VDAC1: variants seen among roughly 807,000 people sequenced by gnomAD.
VDAC1 encodes the protein non-selective voltage-gated ion channel VDAC1.
VDAC1 carries 10 observed loss-of-function variants against 34.7 expected under a neutral mutation model. The observed-to-expected ratio is 0.29, with a 90% CI of 0.18 to 0.49. The LOEUF (loss-of-function observed/expected upper bound fraction) is 0.49, where lower values mean the gene tolerates loss of function less well. Among genes scored for constraint, VDAC1 ranks in the 20% least tolerant of loss-of-function variants. The pLI is 0.99. For missense variants in VDAC1, 230 were observed against 347.9 expected, an observed-to-expected ratio of 0.66 and a Z score of 2.69; for synonymous variants, 130 against 136.0, an observed-to-expected ratio of 0.96 and a Z score of 0.30.
At chr5:134,073,656 G>A in the VDAC1 span, among the ~76,000 whole-genome samples, 27 of 152,296 alleles carry the variant, frequency 1.8e-4, no homozygotes, top group Non-Finnish European at 3.5e-4. Context: ...ATCAGAGAGA[G>A]GATGGCAAAT....
At chr5:134,022,930 T>C in the VDAC1 span, among the ~76,000 whole-genome samples, 1 of 152,154 alleles carries the variant, frequency 6.6e-6, no homozygotes, top group Non-Finnish European at 1.5e-5. Flanking sequence ...TCCTCAAGGA[T>C]CTAGAACCAG....
At chr5:133,999,776 G>GTT (rs1753469655) in intron 1 of VDAC1, among the ~76,000 whole-genome samples, 1 of 152,144 alleles carries the variant, frequency 6.6e-6, no homozygotes, top group East Asian at 1.9e-4. Flanking sequence ...ATTACCAAGT[G>GTT]TAAGTGTGCA....
At chr5:134,052,730 C>A in the VDAC1 span, among the ~76,000 whole-genome samples, 2 of 152,214 alleles carry the variant, frequency 1.3e-5, no homozygotes, top group African/African-American at 2.4e-5. Flanking sequence ...ATGGGCCAGG[C>A]GCTGTGCTAG....
At chr5:134,012,703 C>G in the VDAC1 span, among the ~76,000 whole-genome samples, 1 of 151,928 alleles carries the variant, frequency 6.6e-6, no homozygotes, top group East Asian at 1.9e-4. Flanking sequence ...TCCTATCAAA[C>G]TAACAACATC....
At chr5:134,002,630 G>C (rs1348930762) in intron 1 of VDAC1, among the ~76,000 whole-genome samples, 2 of 152,174 alleles carry the variant, frequency 1.3e-5, no homozygotes, top group East Asian at 3.8e-4. Context: ...TCTCTGCTAG[G>C]TGAGGCTGTT....
the VDAC1 span, among the ~76,000 whole-genome samples, chr5:134,107,043 C>T: frequency 2.8e-3 from 430 of 152,296 alleles, 3 homozygotes; most frequent in African/African-American, 9.1e-3. Context: ...TATGAGGCCC[C>T]CTTGAGATCA....
chr5:134,018,390 C>T, the VDAC1 span, among the ~76,000 whole-genome samples: 1 of 152,168 alleles, frequency 6.6e-6, no homozygotes, highest in Non-Finnish European at 1.5e-5. Context: ...AAACACCTCC[C>T]ACCAGGCCCC....
the VDAC1 span, among the ~76,000 whole-genome samples, chr5:134,084,292 G>A: frequency 0.02 from 3,015 of 152,198 alleles, 87 homozygotes; most frequent in African/African-American, 0.068. Context: ...TTGATTCCAG[G>A]GCCTCCTCCT....
At position 133,998,442 on chromosome 5, in the gene VDAC1, A is replaced by G. The variant is rs1289695346; in HGVS notation, c.-6-5424T>C. Among the ~76,000 whole-genome samples the G allele has an allele frequency of 2.6e-5, 4 of 152,190 alleles. 1 individual carries two copies. The highest frequency in any genetic ancestry group is 5.9e-5 in the Non-Finnish European group (4 of 68,030). ...TCCCAGCTACTTGGGAGGCTGAGGCATGAGAATCACTTGAACCCAAAGGCA... is the reference window on the plus strand; with the variant it reads ...TCCCAGCTACTTGGGAGGCTGAGGCGTGAGAATCACTTGAACCCAAAGGCA... On this transcript the variant is annotated intron_variant, in intron 1 of 8. Transcript: ENST00000265333.
At chr5:133,999,923 T>C (rs1753476691) in intron 1 of VDAC1, among the ~76,000 whole-genome samples, 1 of 152,064 alleles carries the variant, frequency 6.6e-6, no homozygotes, top group Admixed American at 6.6e-5. Context: ...AACACCATTC[T>C]AGGTGGTTTG....
chr5:134,039,495 A>AT, the VDAC1 span, among the ~76,000 whole-genome samples: 11 of 117,078 alleles, frequency 9.4e-5, no homozygotes, highest in South Asian at 5.7e-4. Flanking sequence ...CGCCCGGCTA[A>AT]TTTTTTGTAT....
At chr5:134,069,282 G>A in the VDAC1 span, among the ~76,000 whole-genome samples, 1 of 152,104 alleles carries the variant, frequency 6.6e-6, no homozygotes, top group Non-Finnish European at 1.5e-5. Flanking sequence ...GGATGGAGGG[G>A]CCCATTTCAA....
At chr5:134,083,190 CTT>C in the VDAC1 span, among the ~76,000 whole-genome samples, 12 of 125,488 alleles carry the variant, frequency 9.6e-5, no homozygotes, top group African/African-American at 9.3e-5. Flanking sequence ...CTTTTTTTTT[CTT>C]TTTTTTTTTT....
chr5:133,973,882 TA>T, intron 7 of VDAC1, 34 bp from the exon 8 acceptor site: 1 of 1,602,792 alleles, frequency 6.2e-7, no homozygotes, highest in Non-Finnish European at 8.5e-7. Context: ...GAGAAAACAT[TA>T]AGTATAATAC....
At chr5:134,067,200 C>T in the VDAC1 span, among the ~76,000 whole-genome samples, 3 of 151,406 alleles carry the variant, frequency 2.0e-5, no homozygotes, top group Non-Finnish European at 4.4e-5. Flanking sequence ...CTCAGCCTCC[C>T]GAGGAGCTGG....
the VDAC1 span, among the ~76,000 whole-genome samples, chr5:134,092,778 C>T: frequency 6.6e-6 from 1 of 152,068 alleles, no homozygotes. Context: ...CGATGCCCCA[C>T]ACAGAAGGAA....
chr5:134,024,853 G>A, the VDAC1 span, among the ~76,000 whole-genome samples: 57 of 152,332 alleles, frequency 3.7e-4, no homozygotes, highest in African/African-American at 1.3e-3. Context: ...TTCTGCTGGA[G>A]AGAGAGGCTC....
chr5:133,980,847 C>T lies in VDAC1; in HGVS notation c.433G>A (p.Gly145Ser), dbSNP rs779143684. The T allele has an allele frequency of 8.7e-6, 14 of 1,613,746 alleles. No homozygotes were observed. The highest frequency in any genetic ancestry group is 1.2e-5 in the Non-Finnish European group (14 of 1,179,946). Residue 145 changes from glycine (G) to serine (S), a missense_variant, in exon 6 of 9, where the codon GGT becomes AGT. Coordinates refer to ENST00000265333, the MANE Select transcript of VDAC1 (RefSeq NM_003374.3). ...GPSIRGALVLGYEGWLAGYQM... is the reference protein window; with the variant it reads ...GPSIRGALVLSYEGWLAGYQM... ...TAGCCGGCCAGCCAGCCCTCGTAAC[C>T]TAGCACCAGAGCACCCCGGATGGAA...
chr5:134,073,106 C>T, the VDAC1 span, among the ~76,000 whole-genome samples: 214 of 152,260 alleles, frequency 1.4e-3, 2 homozygotes, highest in East Asian at 0.036. Context: ...GACCCGGCAG[C>T]CCTGTTAGCC....
Sources: allele counts gnomAD v4.1 joint callset (sites outside exome capture counted in the v4.1 genomes callset), GRCh38; gene constraint gnomAD v4.1.1; transcripts MANE v1.5; gene names NCBI Gene and HGNC (gene_info 2026-07-23, HGNC 2026-07-21).